HPSE2: variants seen among roughly 807,000 people sequenced by gnomAD.
HPSE2 encodes inactive heparanase-2.
HPSE2 carries 38 observed loss-of-function variants against 60.5 expected under a neutral mutation model. That is an observed-to-expected ratio of 0.63 (90% CI 0.48 to 0.82). The LOEUF (loss-of-function observed/expected upper bound fraction) is 0.82. Ranked by LOEUF, HPSE2 falls within the 40% of genes least tolerant of loss-of-function variation. The pLI, the probability that HPSE2 is intolerant of heterozygous loss-of-function variation, is 0.00. For synonymous variants in HPSE2, 295 were observed against 293.2 expected, an observed-to-expected ratio of 1.01 and a Z score of -0.06; for missense variants, 713 against 740.4, an observed-to-expected ratio of 0.96 and a Z score of 0.43.
At chr10:98,560,321 G>A (rs907092447) in intron 9 of HPSE2, among the ~76,000 whole-genome samples, 3 of 152,104 alleles carry the variant, frequency 2.0e-5, no homozygotes, top group African/African-American at 4.8e-5. Context: ...GATAAGCCAG[G>A]GGTCTCCTGA....
At chr10:99,029,929 G>A (rs1159936842) in intron 3 of HPSE2, among the ~76,000 whole-genome samples, 2 of 152,100 alleles carry the variant, frequency 1.3e-5, no homozygotes, top group South Asian at 2.1e-4. Flanking sequence ...GACACTTTTC[G>A]CTACCACTAG....
intron 6 of HPSE2, among the ~76,000 whole-genome samples, chr10:98,646,268 A>G (rs1052163438): frequency 1.6e-4 from 24 of 151,992 alleles, no homozygotes; most frequent in African/African-American, 5.8e-4. Context: ...TGACCATTTT[A>G]TAAGAATAAA....
intron 2 of HPSE2, among the ~76,000 whole-genome samples, chr10:99,181,330 G>A (rs370874836): frequency 1.3e-4 from 19 of 144,674 alleles, no homozygotes; most frequent in Middle Eastern, 3.6e-3. Context: ...CCCGGGAGGC[G>A]GAGCTTGCAG....
At chr10:99,080,205 T>C (rs11189960) in intron 3 of HPSE2, among the ~76,000 whole-genome samples, 15,158 of 152,222 alleles carry the variant, frequency 0.1, 789 homozygotes, top group South Asian at 0.19. Context: ...CAATAATGTC[T>C]TATTTAAAAA....
intron 3 of HPSE2, among the ~76,000 whole-genome samples, chr10:98,774,297 GA>G (rs1272894822): frequency 2.0e-5 from 3 of 151,984 alleles, no homozygotes; most frequent in Admixed American, 2.0e-4. Context: ...ATATATTCAA[GA>G]GAAAAATTCC....
intron 2 of HPSE2, among the ~76,000 whole-genome samples, chr10:99,203,866 G>GCCTGCTCCGCC (rs78743483): frequency 6.6e-6 from 1 of 151,766 alleles, no homozygotes; most frequent in Non-Finnish European, 1.5e-5. Context: ...CAGAAGCCAG[G>GCCTGCTCCGCC]ACCGCTCCAC....
intron 9 of HPSE2, among the ~76,000 whole-genome samples, chr10:98,600,917 A>G (rs867407528): frequency 0.02 from 962 of 48,020 alleles, 27 homozygotes; most frequent in African/African-American, 0.036. Flanking sequence ...GTGTGTATAT[A>G]TATATATATA....
chr10:98,785,741 G>T (rs1322926978), intron 3 of HPSE2, among the ~76,000 whole-genome samples: 1 of 116,076 alleles, frequency 8.6e-6, no homozygotes, highest in Admixed American at 9.0e-5. Context: ...AGAGGTGTTT[G>T]TAGTATTCTC....
chr10:99,119,107 G>GGGAGGGAGGGAGGGAA (rs1554892767), intron 3 of HPSE2, among the ~76,000 whole-genome samples: 94 of 148,432 alleles, frequency 6.3e-4, no homozygotes, highest in African/African-American at 2.2e-3. Flanking sequence ...GAGGGAGGGA[G>GGGAGGGAGGGAGGGAA]GGAGGGAGGG....
In HPSE2 at chr10:99,126,313, A is replaced by G. The variant is rs1052758119; in HGVS notation, c.610+17925T>C. On this transcript the variant is annotated intron_variant, in intron 3 of 11. Transcript: ENST00000370552. This position sits in a 1 kb window ranked among gnomAD's most constrained non-coding sequence, Gnocchi z 4.0. The stretch of plus-strand genomic sequence containing the variant: ...CAGTGGCCGCAGCAAGCCTTGCCCA[A>G]GTCTGAGCCCAGACTCACCTAACCC... 1.3e-5 allele frequency among the ~76,000 whole-genome samples: 2 copies of G among 152,150 alleles called. No homozygotes were observed. The highest frequency in any genetic ancestry group is 4.8e-5 in the African/African-American group (2 of 41,428).
chr10:99,147,383 G>A (rs1284761170), intron 2 of HPSE2, among the ~76,000 whole-genome samples: 2 of 152,162 alleles, frequency 1.3e-5, no homozygotes, highest in Non-Finnish European at 2.9e-5. Context: ...TATAAAACTT[G>A]TATCAAAACA....
chr10:98,610,696 T>C (rs1945730905), intron 9 of HPSE2, among the ~76,000 whole-genome samples: 1 of 152,202 alleles, frequency 6.6e-6, no homozygotes, highest in African/African-American at 2.4e-5. Flanking sequence ...AATAGAGGAC[T>C]AAATTGTAGT....
At chr10:99,109,410 AT>A (rs1272426389) in intron 3 of HPSE2, among the ~76,000 whole-genome samples, 2 of 152,144 alleles carry the variant, frequency 1.3e-5, no homozygotes, top group Non-Finnish European at 2.9e-5. Flanking sequence ...GCTTGGAATT[AT>A]TGCCTAGAGT....
intron 3 of HPSE2, among the ~76,000 whole-genome samples, chr10:98,849,155 T>C (rs973245922): frequency 6.6e-6 from 1 of 152,112 alleles, no homozygotes; most frequent in Non-Finnish European, 1.5e-5. Flanking sequence ...AACCATCTAA[T>C]GTAGAATATG....
intron 3 of HPSE2, among the ~76,000 whole-genome samples, chr10:98,828,979 A>T (rs1013972539): frequency 8.6e-4 from 5 of 5,796 alleles, no homozygotes; most frequent in African/African-American, 4.1e-3. Flanking sequence ...GAATGAATTA[A>T]AAAAAAATGG....
chr10:98,508,656 G>A (rs1481646839), intron 9 of HPSE2, among the ~76,000 whole-genome samples: 1 of 152,180 alleles, frequency 6.6e-6, no homozygotes, highest in African/African-American at 2.4e-5. Flanking sequence ...ATGTGACCAT[G>A]TCTGAGGGCC....
At chr10:98,482,522 A>G (rs1232383746) in intron 11 of HPSE2, 114 bp downstream of exon 11, 3 of 1,306,462 alleles carry the variant, frequency 2.3e-6, no homozygotes, top group Admixed American at 1.7e-5. Flanking sequence ...TCTTTGTCCT[A>G]CTCCATCCCA....
intron 3 of HPSE2, among the ~76,000 whole-genome samples, chr10:98,937,005 A>C (rs112948315): frequency 0.11 from 14,787 of 132,952 alleles, 2,183 homozygotes; most frequent in South Asian, 0.19. Context: ...AAAAAAAAAA[A>C]CAAGTTTTCC....
At chr10:98,916,328 G>C (rs894525507) in intron 3 of HPSE2, among the ~76,000 whole-genome samples, 4 of 152,194 alleles carry the variant, frequency 2.6e-5, no homozygotes, top group Non-Finnish European at 5.9e-5. Context: ...AGAGCAATTT[G>C]TTACACAGAC....
Sources: gnomAD v4.1 joint callset for allele counts (sites outside exome capture counted in the v4.1 genomes callset) on GRCh38, gnomAD v4.1.1 for gene constraint, Gnocchi (gnomAD v3.1) non-coding constraint, MANE v1.5 for transcripts, NCBI Gene and HGNC (gene_info 2026-07-23, HGNC 2026-07-21) for gene names.